Variants in FEZ2 observed in about 807,000 individuals in gnomAD.
FEZ2 encodes fasciculation and elongation protein zeta 2, also known as fasciculation and elongation protein zeta-2.
Under a neutral mutation model 40.4 loss-of-function variants are expected in FEZ2, and 51 were observed. The observed-to-expected ratio is 1.26, with a 90% CI of 1.01 to 1.59. FEZ2 has a LOEUF of 1.59. FEZ2 is among the 40% of genes most tolerant of loss of function. FEZ2 has a pLI of 0.00. For missense variants in FEZ2, 640 were observed against 438.3 expected, an observed-to-expected ratio of 1.46 and a Z score of -4.11; for synonymous variants, 242 against 172.0, an observed-to-expected ratio of 1.41 and a Z score of -3.18.
At chr2:36,574,403 A>C (rs1668503818) in intron 5 of FEZ2, among the ~76,000 whole-genome samples, 1 of 152,208 alleles carries the variant, frequency 6.6e-6, no homozygotes, top group African/African-American at 2.4e-5. Context: ...TAGGTACCTA[A>C]GGTTGGATCT....
At chr2:36,567,118 G>C (rs1668266475) in intron 5 of FEZ2, among the ~76,000 whole-genome samples, 1 of 152,106 alleles carries the variant, frequency 6.6e-6, no homozygotes, top group African/African-American at 2.4e-5. Context: ...CATCCCCGCA[G>C]CTTGCATAGT....
Position 36,592,069 on chromosome 2 carries a change from GAAATCTAATTGGGATACGTA to G in FEZ2, c.267-1078_267-1059del, listed in dbSNP as rs1342416560. ...TAAAGTTCAGAGATACAAGTGACTT[GAAATCTAATTGGGATACGTA>G]AAATCAAACACTAAACATACAAGCT... is the stretch of plus-strand genomic sequence containing the variant. On this transcript the variant is annotated intron_variant, in intron 1 of 7. Transcript: ENST00000405912. 2.0e-5 allele frequency among the ~76,000 whole-genome samples: 3 copies of G among 152,260 alleles called. No homozygotes were observed. In the East Asian group the frequency reaches 5.8e-4, roughly 29 times the overall value.
In FEZ2 at chr2:36,555,767, GA is replaced by G; in HGVS notation, c.980-20del. ...CGAAGAACTGCAAAATAGAAGAGGG[GA>G]AAAAAGACAACAATTAAAAATTTAG... On this transcript the variant is annotated intron_variant, in intron 6 of 7. Coordinates refer to ENST00000405912, the MANE Select transcript of FEZ2 (RefSeq NM_005102.3). 1.1e-5 allele frequency: 16 copies of G among 1,447,336 alleles called. No individual in the cohort carries two copies. The highest frequency in any genetic ancestry group is 1.3e-5 in the Non-Finnish European group (14 of 1,057,056). 89.7% of individuals were successfully genotyped at this position (1,447,336 alleles called of 1,614,324 possible). A position where few individuals can be genotyped will look rare whatever the true frequency, so the allele number is the denominator to read the frequency against.
At chr2:36,576,122 T>C (rs1350464820) in intron 5 of FEZ2, among the ~76,000 whole-genome samples, 2 of 152,194 alleles carry the variant, frequency 1.3e-5, no homozygotes, top group African/African-American at 2.4e-5. Context: ...AAATGCTTGG[T>C]AAAATGTTTG....
At chr2:36,565,245 A>G (rs548356230) in intron 5 of FEZ2, among the ~76,000 whole-genome samples, 24 of 152,316 alleles carry the variant, frequency 1.6e-4, no homozygotes, top group African/African-American at 5.5e-4. Flanking sequence ...TAATTAACTT[A>G]TCTCCAGTTG....
At chr2:36,581,504 C>T (rs1668747010) in intron 3 of FEZ2, 73 bp from the exon 4 acceptor site, 1 of 1,341,672 alleles carries the variant, frequency 7.5e-7, no homozygotes, top group Admixed American at 1.8e-5. Flanking sequence ...ACAGTGCTCA[C>T]CTAAGGCACC....
At chr2:36,591,521 C>G (rs924188168) in intron 1 of FEZ2, 1 of 152,604 alleles carries the variant, frequency 6.6e-6, no homozygotes, top group Admixed American at 6.5e-5. Context: ...CTCTCTCAAA[C>G]AAAAGGTTTG....
At chr2:36,595,628 C>A (rs1028833241) in intron 1 of FEZ2, among the ~76,000 whole-genome samples, 1 of 152,058 alleles carries the variant, frequency 6.6e-6, no homozygotes, top group African/African-American at 2.4e-5. Flanking sequence ...GACCCCTTGA[C>A]CTAAAGCACA....
At chr2:36,553,491 G>A (rs988461586) in intron 7 of FEZ2, among the ~76,000 whole-genome samples, 1 of 152,096 alleles carries the variant, frequency 6.6e-6, no homozygotes, top group Non-Finnish European at 1.5e-5. Flanking sequence ...AGGATCCCTA[G>A]GGAAGTCAAA....
chr2:36,590,532 G>T (rs1400196243), intron 2 of FEZ2: 3 of 169,512 alleles, frequency 1.8e-5, no homozygotes, highest in Non-Finnish European at 3.8e-5. Flanking sequence ...GCCGGGACTG[G>T]TGGCTCATGC....
intron 5 of FEZ2, among the ~76,000 whole-genome samples, chr2:36,575,471 G>A (rs1316188647): frequency 6.6e-6 from 1 of 152,174 alleles, no homozygotes; most frequent in Non-Finnish European, 1.5e-5. Context: ...TTACCATCAT[G>A]AGTCATCCTG....
chr2:36,592,690 C>T (rs1669105324), intron 1 of FEZ2, among the ~76,000 whole-genome samples: 2 of 151,566 alleles, frequency 1.3e-5, no homozygotes, highest in Admixed American at 6.6e-5. Flanking sequence ...TGGCATGTGC[C>T]GCAGTCCCAG....
intron 5 of FEZ2, among the ~76,000 whole-genome samples, chr2:36,559,882 G>C (rs144029257): frequency 0.022 from 3,404 of 152,316 alleles, 61 homozygotes; most frequent in Non-Finnish European, 0.033. Flanking sequence ...GGAGCTCATT[G>C]ATGAGCTGCA....
chr2:36,560,365 C>A (rs1668060692), intron 5 of FEZ2, among the ~76,000 whole-genome samples: 1 of 152,180 alleles, frequency 6.6e-6, no homozygotes, highest in Non-Finnish European at 1.5e-5. Context: ...ACCTAGAACT[C>A]TAGTCTCAAA....
intron 5 of FEZ2, among the ~76,000 whole-genome samples, chr2:36,564,430 G>T (rs991985998): frequency 2.0e-5 from 3 of 152,122 alleles, no homozygotes; most frequent in African/African-American, 4.8e-5. Flanking sequence ...TCCTGAGCCA[G>T]ATACCATTCC....
chr2:36,581,554 G>A, intron 3 of FEZ2, 123 bp from the exon 4 acceptor site: 3 of 791,626 alleles, frequency 3.8e-6, no homozygotes, highest in Non-Finnish European at 6.2e-6. Context: ...AACCAATGGT[G>A]TTCAGGTGTG....
At chr2:36,581,569 C>G in intron 3 of FEZ2, 138 bp from the exon 4 acceptor site, 1 of 691,412 alleles carries the variant, frequency 1.4e-6, no homozygotes, top group South Asian at 2.1e-5. Context: ...GGTGTGGATG[C>G]TCCAAATAAT....
At chr2:36,582,258 GGAGTAA>G (rs1402724009) in intron 3 of FEZ2, among the ~76,000 whole-genome samples, 1 of 151,860 alleles carries the variant, frequency 6.6e-6, no homozygotes, top group Non-Finnish European at 1.5e-5. Context: ...ATTAAATGAA[GGAGTAA>G]GACATCATGA....
At chr2:36,582,397 A>G (rs1046216981) in intron 3 of FEZ2, among the ~76,000 whole-genome samples, 1 of 152,170 alleles carries the variant, frequency 6.6e-6, no homozygotes, top group Non-Finnish European at 1.5e-5. Flanking sequence ...CAAAACAGGA[A>G]ATATAATAAG....
Sources: allele counts gnomAD v4.1 joint callset (sites outside exome capture counted in the v4.1 genomes callset), GRCh38; gene constraint gnomAD v4.1.1; transcripts MANE v1.5; gene names NCBI Gene and HGNC (gene_info 2026-07-23, HGNC 2026-07-21).